PTPRS: variants seen among roughly 807,000 people sequenced by gnomAD.
PTPRS encodes protein tyrosine phosphatase receptor type S.
In PTPRS, 63 loss-of-function variants were observed where a neutral mutation model predicts 215.3. That is an observed-to-expected ratio of 0.29 (90% confidence interval 0.24 to 0.36). The LOEUF (loss-of-function observed/expected upper bound fraction) is 0.36. Among genes scored for constraint, PTPRS ranks in the 10% least tolerant of loss-of-function variants. PTPRS has a pLI of 1.00. For synonymous variants in PTPRS, 1,404 were observed against 1,191.4 expected, an observed-to-expected ratio of 1.18 and a Z score of -3.68; for missense variants, 2,258 against 2,825.8, an observed-to-expected ratio of 0.80 and a Z score of 4.56.
At chr19:5,318,428 C>G (rs1011145101) in intron 1 of PTPRS, among the ~76,000 whole-genome samples, 1 of 152,096 alleles carries the variant, frequency 6.6e-6, no homozygotes, top group Non-Finnish European at 1.5e-5. Flanking sequence ...CAGGCTGCAC[C>G]CCAGCTAGGT....
intron 2 of PTPRS, among the ~76,000 whole-genome samples, chr19:5,283,928 A>G (rs1377126100): frequency 6.6e-6 from 1 of 152,060 alleles, no homozygotes; most frequent in African/African-American, 2.4e-5. Context: ...TTAAAAACTT[A>G]GCCAGGCCAG....
At chr19:5,285,755 A>T (rs1021186935) in intron 2 of PTPRS, among the ~76,000 whole-genome samples, 11 of 152,208 alleles carry the variant, frequency 7.2e-5, no homozygotes, top group Non-Finnish European at 1.0e-4. Context: ...GAAGCAGGTA[A>T]AATTAGTGCT....
intron 16 of PTPRS, among the ~76,000 whole-genome samples, chr19:5,227,309 C>T (rs1005422163): frequency 6.6e-6 from 1 of 152,176 alleles, no homozygotes; most frequent in African/African-American, 2.4e-5. Context: ...CCTCTGCCTC[C>T]CAAAGTGCTG....
Position 5,294,731 on chromosome 19 carries a change from C to T in PTPRS, c.-94-8497G>A, listed in dbSNP as rs1347436520. 1 of 152,250 alleles carries T rather than the reference C, an allele frequency of 6.6e-6. No homozygotes were observed. Among genetic ancestry groups the T allele is most frequent in the Non-Finnish European group, 1.5e-5 (1 of 68,074 alleles). The allele number at this position is 152,250 out of a possible 1,614,324, so 9.4% of individuals were successfully genotyped here. A position where few individuals can be genotyped will look rare whatever the true frequency, so the allele number is the denominator to read the frequency against. Reference sequence around the variant, plus strand: ...AGTTTCCCTCCTCTGCAAAATGGAGCATGGAATCGCCCCGCCCCATCTCCA... The same window carrying T: ...AGTTTCCCTCCTCTGCAAAATGGAGTATGGAATCGCCCCGCCCCATCTCCA... On this transcript the variant is annotated intron_variant, in intron 1 of 37. Transcript: ENST00000262963. The surrounding 1 kb of genome is among the most constrained non-coding windows in gnomAD (Gnocchi z 5.1).
chr19:5,223,251 G>A lies in PTPRS; in HGVS notation c.2541C>T (p.Ser847=). 1 of 1,483,206 alleles carries A rather than the reference G, an allele frequency of 6.7e-7. No homozygotes were observed. The highest frequency in any genetic ancestry group is 2.3e-5 in the Admixed American group (1 of 44,084). 91.9% of individuals were successfully genotyped at this position (1,483,206 alleles called of 1,614,324 possible). The change falls in exon 18 of 38, where the codon AGC becomes AGT. Residue 847 remains serine (S), a synonymous_variant. Transcript: ENST00000262963. ...TLSVQQTPEG[S]LLARWEPPAG... ...CCGGGGGCTCCCAGCGTGCCAGCAG[G>A]CTGCCCTCGGGGGTCTGCTGCACCG...
chr19:5,230,074 G>C (rs765007597), intron 14 of PTPRS, among the ~76,000 whole-genome samples: 41 of 152,166 alleles, frequency 2.7e-4, no homozygotes, highest in Non-Finnish European at 4.9e-4. Context: ...CACAGCCTTA[G>C]CAAGAGGCAA....
chr19:5,335,675 T>C (rs746929412), intron 1 of PTPRS, among the ~76,000 whole-genome samples: 1 of 151,930 alleles, frequency 6.6e-6, no homozygotes, highest in Non-Finnish European at 1.5e-5. Flanking sequence ...GAGTACGAGA[T>C]GAAATCTGTC....
At chr19:5,258,198 CCA>C in intron 7 of PTPRS, 71 bp from the exon 8 acceptor site, 1 of 1,284,410 alleles carries the variant, frequency 7.8e-7, no homozygotes, top group Non-Finnish European at 1.1e-6. Flanking sequence ...AGCTCCCCCA[CCA>C]GAGTGCTCTC....
intron 11 of PTPRS, among the ~76,000 whole-genome samples, chr19:5,243,012 T>C (rs1405932792): frequency 1.3e-5 from 2 of 151,970 alleles, no homozygotes; most frequent in Non-Finnish European, 2.9e-5. Context: ...AGAAATGGGG[T>C]ATTGCTATAT....
Position 5,212,420 on chromosome 19 carries a change from T to A in PTPRS, c.4686A>T (p.Glu1562Asp). The A allele has an allele frequency of 6.2e-7, 1 of 1,603,536 alleles. No homozygotes were observed. The highest frequency in any genetic ancestry group is 1.1e-5 in the South Asian group (1 of 89,678). ...GGAAAGCCAGGAAGGGCGTTGGGTATTCGGGCACGCCATGGTCCGGCCACG... is the reference window on the plus strand; with the variant it reads ...GGAAAGCCAGGAAGGGCGTTGGGTAATCGGGCACGCCATGGTCCGGCCACG... ...FTAWPDHGVP[E>D]YPTPFLAFLR... Residue 1562 changes from glutamate (E) to aspartate (D), a missense_variant, in exon 31 of 38, where the codon GAA (glutamate) becomes GAT (aspartate). This residue lies in a region of PTPRS where 927 missense variants were observed against 1,125.9 expected (regional missense o/e 0.82). Transcript: ENST00000262963.
rs780579827 is a variant in PTPRS at position 5,216,783 on chromosome 19, A to G, written c.4049-16T>C. ...AGGCCTGAATCTGCAAACAGCAAAC[A>G]ATAAATAAATGAAAACATGCAGGGG... On this transcript the variant is annotated splice_polypyrimidine_tract_variant and intron_variant, in intron 25 of 37. Coordinates refer to ENST00000262963, the MANE Select transcript of PTPRS (RefSeq NM_002850.4). 12 of 1,544,114 alleles carry G rather than the reference A, an allele frequency of 7.8e-6. No individual in the cohort carries two copies. In the East Asian group the frequency reaches 2.4e-4, roughly 31 times the overall value.
chr19:5,297,316 C>T (rs1325014097), intron 1 of PTPRS, among the ~76,000 whole-genome samples: 2 of 152,142 alleles, frequency 1.3e-5, no homozygotes. Flanking sequence ...TAGGTAAAAT[C>T]AGCATAAAGA....
chr19:5,330,228 G>A (rs866724778), intron 1 of PTPRS, among the ~76,000 whole-genome samples: 1 of 152,108 alleles, frequency 6.6e-6, no homozygotes, highest in African/African-American at 2.4e-5. Flanking sequence ...GTGTAGAAAC[G>A]ACATCCTGTC....
At chr19:5,247,902 C>T (rs1308676712) in intron 9 of PTPRS, among the ~76,000 whole-genome samples, 2 of 151,622 alleles carry the variant, frequency 1.3e-5, no homozygotes, top group Admixed American at 6.6e-5. Flanking sequence ...AGAAGCCCCA[C>T]GAAAAGTCCA....
intron 1 of PTPRS, among the ~76,000 whole-genome samples, chr19:5,323,267 G>A (rs2050080365): frequency 6.6e-6 from 1 of 152,208 alleles, no homozygotes; most frequent in Non-Finnish European, 1.5e-5. Flanking sequence ...GCTGAGGCAG[G>A]AGAATTGCTT....
chr19:5,256,256 A>G, intron 8 of PTPRS, 137 bp from the exon 9 acceptor site: 1 of 634,878 alleles, frequency 1.6e-6, no homozygotes, highest in Non-Finnish European at 2.5e-6. Flanking sequence ...TTTTTCTTTA[A>G]ACCAAAAAAA....
chr19:5,268,217 T>C (rs534691042), intron 4 of PTPRS, among the ~76,000 whole-genome samples: 49 of 152,170 alleles, frequency 3.2e-4, no homozygotes, highest in African/African-American at 1.1e-3. Context: ...TAAAGTTTTA[T>C]TGGCACACAG....
intron 1 of PTPRS, among the ~76,000 whole-genome samples, chr19:5,303,776 C>T (rs2049378171): frequency 1.3e-5 from 2 of 151,576 alleles, no homozygotes; most frequent in Admixed American, 1.3e-4. Context: ...ATGGTGAAAC[C>T]CTGTCTCTAC....
At chr19:5,256,314 TCTCTC>T (rs1274458081) in intron 8 of PTPRS, among the ~76,000 whole-genome samples, 195 bp from the exon 9 acceptor site, 3 of 152,054 alleles carry the variant, frequency 2.0e-5, no homozygotes, top group South Asian at 2.1e-4. Context: ...CTTTTTGTCT[TCTCTC>T]CACTCTGCCC....
Sources: gnomAD v4.1 joint callset for allele counts (sites outside exome capture counted in the v4.1 genomes callset) on GRCh38, gnomAD v4.1.1 for gene constraint, gnomAD v4.1.1 regional missense constraint, Gnocchi (gnomAD v3.1) non-coding constraint, MANE v1.5 for transcripts, NCBI Gene and HGNC (gene_info 2026-07-23, HGNC 2026-07-21) for gene names.